Variants in HS3ST4 observed in about 807,000 individuals in gnomAD.
HS3ST4 encodes heparan sulfate glucosamine 3-O-sulfotransferase 4.
Under a neutral mutation model 29.2 loss-of-function variants are expected in HS3ST4, and 17 were observed. The ratio of observed to expected loss-of-function variants is 0.58; its 90% confidence interval spans 0.40 to 0.87. HS3ST4 has a LOEUF of 0.87. HS3ST4 is among the 40% of genes least tolerant of loss of function. The pLI, the probability that HS3ST4 is intolerant of heterozygous loss-of-function variation, is 0.00. For missense variants in HS3ST4, 627 were observed against 634.5 expected (o/e 0.99, Z 0.13); for synonymous variants, 314 against 285.7 (o/e 1.10, Z -1.00).
chr16:25,782,933 G>A (rs1052953377), intron 1 of HS3ST4, among the ~76,000 whole-genome samples: 1 of 152,074 alleles, frequency 6.6e-6, no homozygotes. Context: ...GTAATAGCTT[G>A]TCTGTTTCAG....
At chr16:25,766,686 C>T (rs1966821347) in intron 1 of HS3ST4, among the ~76,000 whole-genome samples, 1 of 152,112 alleles carries the variant, frequency 6.6e-6, no homozygotes, top group Non-Finnish European at 1.5e-5. Flanking sequence ...TGATGAAAAA[C>T]ACCCAAATAC....
intron 1 of HS3ST4, among the ~76,000 whole-genome samples, chr16:25,717,365 C>A (rs1966461219): frequency 6.6e-6 from 1 of 152,010 alleles, no homozygotes; most frequent in South Asian, 2.1e-4. Context: ...TCTGAAGGAA[C>A]AATACCCAGT....
intron 1 of HS3ST4, among the ~76,000 whole-genome samples, chr16:25,731,211 T>C (rs1966568022): frequency 6.6e-6 from 1 of 152,204 alleles, no homozygotes; most frequent in Non-Finnish European, 1.5e-5. Context: ...CTCCTGCCAT[T>C]GGAGGTCAGA....
chr16:25,893,875 C>A (rs1467730551), intron 1 of HS3ST4, among the ~76,000 whole-genome samples: 1 of 152,196 alleles, frequency 6.6e-6, no homozygotes, highest in Non-Finnish European at 1.5e-5. Context: ...TCCAGGGACA[C>A]CCCGGGATGT....
At chr16:25,760,081 C>T (rs543192049) in intron 1 of HS3ST4, among the ~76,000 whole-genome samples, 2 of 152,226 alleles carry the variant, frequency 1.3e-5, no homozygotes, top group South Asian at 4.2e-4. Flanking sequence ...AGACTTTGTG[C>T]GTCTATGAGG....
chr16:25,718,041 A>C (rs984579088), intron 1 of HS3ST4, among the ~76,000 whole-genome samples: 2 of 151,876 alleles, frequency 1.3e-5, no homozygotes, highest in Non-Finnish European at 1.5e-5. Flanking sequence ...GTCAGCAGGA[A>C]CTCCTAGGTT....
intron 1 of HS3ST4, among the ~76,000 whole-genome samples, chr16:25,853,343 C>A (rs1346394557): frequency 2.0e-5 from 3 of 151,554 alleles, no homozygotes; most frequent in Non-Finnish European, 4.4e-5. Context: ...CCTCTGCAAA[C>A]AGAGACAATT....
At chr16:25,740,173 G>A (rs1455970606) in intron 1 of HS3ST4, among the ~76,000 whole-genome samples, 2 of 152,126 alleles carry the variant, frequency 1.3e-5, no homozygotes, top group Non-Finnish European at 2.9e-5. Context: ...TAGGATTGGG[G>A]TCATGAGGCA....
At chr16:25,725,418 A>G (rs1487310916) in intron 1 of HS3ST4, among the ~76,000 whole-genome samples, 2 of 152,308 alleles carry the variant, frequency 1.3e-5, no homozygotes, top group East Asian at 3.9e-4. Flanking sequence ...GTACATAGAG[A>G]AAAATTACAT....
chr16:25,914,429 G>A (rs1293449118), intron 1 of HS3ST4, among the ~76,000 whole-genome samples: 2 of 151,736 alleles, frequency 1.3e-5, no homozygotes, highest in African/African-American at 4.9e-5. Context: ...CGAGTTATGT[G>A]TAGGGTGTGT....
At chr16:25,805,069 G>A (rs1161825312) in intron 1 of HS3ST4, among the ~76,000 whole-genome samples, 1 of 152,114 alleles carries the variant, frequency 6.6e-6, no homozygotes, top group Non-Finnish European at 1.5e-5. Flanking sequence ...AGACCCCAGA[G>A]CTTGTGTCTG....
intron 1 of HS3ST4, among the ~76,000 whole-genome samples, chr16:25,755,924 C>T (rs1966754968): frequency 6.6e-6 from 1 of 152,206 alleles, no homozygotes; most frequent in African/African-American, 2.4e-5. Context: ...GAAATATTTC[C>T]TTGACTTATG....
intron 1 of HS3ST4, among the ~76,000 whole-genome samples, chr16:25,794,479 G>C (rs554719037): frequency 3.3e-5 from 5 of 150,690 alleles, no homozygotes; most frequent in Admixed American, 3.3e-4. Context: ...TTTTTCACTA[G>C]CGAAAAATGT....
chr16:26,121,176 A>G (rs965613871), intron 1 of HS3ST4, among the ~76,000 whole-genome samples: 3 of 152,230 alleles, frequency 2.0e-5, no homozygotes, highest in African/African-American at 7.2e-5. Context: ...TGGCAGAGCC[A>G]GGATCCCAGG....
chr16:26,051,159 TAAGTCAGACTTG>T (rs530628696), intron 1 of HS3ST4, among the ~76,000 whole-genome samples: 2 of 152,268 alleles, frequency 1.3e-5, no homozygotes, highest in Admixed American at 1.3e-4. Context: ...GGAAACTCTC[TAAGTCAGACTTG>T]GTTCCTCCAA....
chr16:26,099,015 A>G (rs568421713), intron 1 of HS3ST4, among the ~76,000 whole-genome samples: 2 of 152,020 alleles, frequency 1.3e-5, no homozygotes, highest in Non-Finnish European at 2.9e-5. Flanking sequence ...CCTCTGGGAA[A>G]CCCTGCTGAT....
At chr16:26,093,691 C>T (rs1001514641) in intron 1 of HS3ST4, among the ~76,000 whole-genome samples, 12 of 152,286 alleles carry the variant, frequency 7.9e-5, no homozygotes, top group East Asian at 1.9e-4. Flanking sequence ...TTCTAAAAAT[C>T]GAGCACCTCT....
rs572734254 is a variant in HS3ST4, at chr16:26,017,979, T to G, written c.735-117633T>G. Among the ~76,000 whole-genome samples the G allele has an allele frequency of 7.1e-4, 108 of 152,268 alleles. 2 individuals are homozygous for G. Among genetic ancestry groups the G allele is most frequent in the Non-Finnish European group, 1.5e-4 (10 of 68,024 alleles). On this transcript the variant is annotated intron_variant, in intron 1 of 1. Coordinates refer to ENST00000331351, the MANE Select transcript of HS3ST4 (RefSeq NM_006040.3). ...AACAGCAACAGGATTCTAGAATCTG[T>G]TTCATTAGGAAGGATTATAGGTGAG...
At chr16:26,092,719 G>T (rs1157497482) in intron 1 of HS3ST4, among the ~76,000 whole-genome samples, 1 of 152,148 alleles carries the variant, frequency 6.6e-6, no homozygotes, top group African/African-American at 2.4e-5. Flanking sequence ...GAGGCACCTG[G>T]TTCATCTCAT....
Sources: allele counts gnomAD v4.1 joint callset (sites outside exome capture counted in the v4.1 genomes callset), GRCh38; gene constraint gnomAD v4.1.1; transcripts MANE v1.5; gene names NCBI Gene and HGNC (gene_info 2026-07-23, HGNC 2026-07-21).